Variants in GUCY1A2 observed in about 807,000 individuals in gnomAD.
GUCY1A2 encodes the protein guanylate cyclase 1 soluble subunit alpha 2.
GUCY1A2 carries 27 observed loss-of-function variants against 63.5 expected under a neutral mutation model. That is an observed-to-expected ratio of 0.43 (90% CI 0.31 to 0.59). The LOEUF (loss-of-function observed/expected upper bound fraction) is 0.59, where lower values mean the gene tolerates loss of function less well. GUCY1A2 is among the 20% of genes least tolerant of loss of function. The pLI is 0.11. For missense variants in GUCY1A2, 768 were observed against 913.3 expected (o/e 0.84, Z 2.05); for synonymous variants, 364 against 343.5 (o/e 1.06, Z -0.66).
At position 106,687,329 on chromosome 11, in the gene GUCY1A2, C is replaced by T. The variant is rs1343262053; in HGVS notation, c.*220G>A. The T allele has an allele frequency of 5.4e-6, 3 of 553,276 alleles. No individual in the cohort carries two copies. Among genetic ancestry groups the T allele is most frequent in the Non-Finnish European group, 6.5e-6 (2 of 308,576 alleles). The allele number at this position is 553,276 out of a possible 1,614,324, so 34.3% of individuals were successfully genotyped here. ...ATGTGTATATATATGACCAAAACCA[C>T]TCATATGAATGGACACATCTTATTT... On this transcript the variant is annotated 3_prime_UTR_variant, in exon 8 of 8. Coordinates refer to ENST00000526355, the MANE Select transcript of GUCY1A2 (RefSeq NM_000855.3).
At chr11:106,914,698 A>G (rs1013717311) in intron 4 of GUCY1A2, among the ~76,000 whole-genome samples, 2 of 151,922 alleles carry the variant, frequency 1.3e-5, no homozygotes, top group Non-Finnish European at 2.9e-5. Context: ...AAGAGAAAAT[A>G]AATAAAGATA....
At chr11:106,916,299 A>G (rs1310478210) in intron 4 of GUCY1A2, among the ~76,000 whole-genome samples, 1 of 145,362 alleles carries the variant, frequency 6.9e-6, no homozygotes, top group Non-Finnish European at 1.5e-5. Context: ...AAAATCCAAA[A>G]TTTTCATGGG....
chr11:106,849,763 A>G (rs1045884114), intron 4 of GUCY1A2, among the ~76,000 whole-genome samples: 3 of 151,756 alleles, frequency 2.0e-5, no homozygotes, highest in Non-Finnish European at 4.4e-5. Context: ...CAAAAGGAGA[A>G]CTAATATTCC....
intron 4 of GUCY1A2, among the ~76,000 whole-genome samples, chr11:106,816,032 G>C (rs573956449): frequency 5.9e-5 from 9 of 151,860 alleles, no homozygotes; most frequent in Non-Finnish European, 1.0e-4. Context: ...CCAAGTTTGT[G>C]GTAATTTGTT....
intron 5 of GUCY1A2, among the ~76,000 whole-genome samples, chr11:106,809,265 C>T (rs1209411007): frequency 6.6e-6 from 1 of 152,056 alleles, no homozygotes; most frequent in Non-Finnish European, 1.5e-5. Context: ...AAGCCCTATG[C>T]CCTGACATTG....
intron 4 of GUCY1A2, among the ~76,000 whole-genome samples, chr11:106,851,362 C>G (rs72986526): frequency 0.21 from 32,361 of 151,622 alleles, 3,453 homozygotes; most frequent in African/African-American, 0.24. Flanking sequence ...TAATATAATC[C>G]CATTTACCTA....
intron 6 of GUCY1A2, among the ~76,000 whole-genome samples, chr11:106,765,549 A>C (rs1864148166): frequency 6.6e-6 from 1 of 152,130 alleles, no homozygotes; most frequent in Admixed American, 6.6e-5. Flanking sequence ...TTGTTGAATA[A>C]ATGAGTAAAA....
At chr11:106,942,524 T>C (rs532998682) in intron 3 of GUCY1A2, among the ~76,000 whole-genome samples, 2 of 144,532 alleles carry the variant, frequency 1.4e-5, no homozygotes, top group Non-Finnish European at 3.1e-5. Flanking sequence ...TGACCATATA[T>C]GCTGAACTAC....
intron 1 of GUCY1A2, among the ~76,000 whole-genome samples, chr11:107,013,050 T>G (rs980958843): frequency 1.3e-5 from 2 of 152,190 alleles, no homozygotes; most frequent in African/African-American, 4.8e-5. Flanking sequence ...TAAGATAATT[T>G]CCTTCCCCAA....
At chr11:106,737,839 A>C (rs542123786) in intron 6 of GUCY1A2, among the ~76,000 whole-genome samples, 5 of 152,150 alleles carry the variant, frequency 3.3e-5, no homozygotes, top group Non-Finnish European at 7.4e-5. Context: ...TGCTATTGTG[A>C]ACAGTGCCAC....
chr11:106,784,423 T>C (rs1864520958), intron 5 of GUCY1A2, among the ~76,000 whole-genome samples: 1 of 151,888 alleles, frequency 6.6e-6, no homozygotes, highest in Non-Finnish European at 1.5e-5. Context: ...GCCTGAAAAT[T>C]GCCATACCTC....
chr11:106,914,721 T>C (rs10789551), intron 4 of GUCY1A2, among the ~76,000 whole-genome samples: 121,456 of 151,760 alleles, frequency 0.8, 49,627 homozygotes, highest in East Asian at 1. Flanking sequence ...ATTTTAAAAA[T>C]TGAAAATATG....
At chr11:106,697,169 C>T (rs1170365779) in intron 7 of GUCY1A2, among the ~76,000 whole-genome samples, 1 of 152,166 alleles carries the variant, frequency 6.6e-6, no homozygotes, top group South Asian at 2.1e-4. Flanking sequence ...CCAGAGGAAA[C>T]ACTGTCATGT....
rs140283097 is a variant in GUCY1A2, at chr11:106,706,799, G to GTAAC, written c.1991+1709_1991+1712dup. ...ATATGAGTGAGGTAGCTGATCTTCA[G>GTAAC]TAACTTTTTTCATCGTATAGAGCAG... On this transcript the variant is annotated intron_variant, in intron 7 of 7. Transcript: ENST00000526355. 7.8e-3 allele frequency among the ~76,000 whole-genome samples: 1,186 copies of GTAAC among 152,072 alleles called. 15 individuals carry two copies. Among genetic ancestry groups the GTAAC allele is most frequent in the African/African-American group, 0.027 (1,132 of 41,500 alleles).
chr11:106,851,591 A>G (rs372936275), intron 4 of GUCY1A2, among the ~76,000 whole-genome samples: 1 of 151,824 alleles, frequency 6.6e-6, no homozygotes, highest in Non-Finnish European at 1.5e-5. Context: ...TCCCTTCACT[A>G]TTTATTGAAG....
chr11:106,695,165 T>C (rs1038897713), intron 7 of GUCY1A2, among the ~76,000 whole-genome samples: 8 of 152,156 alleles, frequency 5.3e-5, no homozygotes, highest in African/African-American at 1.9e-4. Flanking sequence ...CTCTCTTCCA[T>C]TTTTAAATCC....
intron 6 of GUCY1A2, among the ~76,000 whole-genome samples, chr11:106,755,215 T>C (rs1175783959): frequency 3.3e-5 from 5 of 152,160 alleles, no homozygotes; most frequent in South Asian, 4.1e-4. Context: ...TCATTTTTTA[T>C]TGTGTCTATT....
At chr11:106,740,630 C>G (rs536137168) in intron 6 of GUCY1A2, among the ~76,000 whole-genome samples, 21 of 143,388 alleles carry the variant, frequency 1.5e-4, no homozygotes, top group African/African-American at 4.8e-4. Flanking sequence ...TCTTTACACT[C>G]TCCTATGGAC....
intron 6 of GUCY1A2, among the ~76,000 whole-genome samples, chr11:106,760,108 C>T (rs112689529): frequency 1.4e-4 from 22 of 152,214 alleles, no homozygotes; most frequent in South Asian, 1.2e-3. Context: ...TCAAATAAAA[C>T]GGCCAACACG....
Sources: gnomAD v4.1 joint callset for allele counts (sites outside exome capture counted in the v4.1 genomes callset) on GRCh38, gnomAD v4.1.1 for gene constraint, MANE v1.5 for transcripts, NCBI Gene and HGNC (gene_info 2026-07-23, HGNC 2026-07-21) for gene names.